Variants in PHC1 observed in about 807,000 individuals in gnomAD.
PHC1 encodes the protein polyhomeotic homolog 1, also known as polyhomeotic-like protein 1.
Under a neutral mutation model 104.3 loss-of-function variants are expected in PHC1, and 12 were observed. The observed-to-expected ratio is 0.12, with a 90% confidence interval of 0.07 to 0.19. The LOEUF (loss-of-function observed/expected upper bound fraction) is 0.19, where lower values mean the gene tolerates loss of function less well. Among genes scored for constraint, PHC1 ranks in the 10% least tolerant of loss-of-function variants. The pLI is 1.00. For synonymous variants in PHC1, 302 were observed against 455.8 expected, an observed-to-expected ratio of 0.66 and a Z score of 4.30; for missense variants, 671 against 1,200.0, an observed-to-expected ratio of 0.56 and a Z score of 6.51.
In PHC1 at chr12:8,935,251, T is replaced by G. The variant is rs375317588; in HGVS notation, c.2368+13T>G. 11 of 1,408,102 alleles carry G rather than the reference T, an allele frequency of 7.8e-6. No individual in the cohort carries two copies. Among genetic ancestry groups the G allele is most frequent in the African/African-American group, 5.7e-5 (4 of 70,532 alleles). The allele number at this position is 1,408,102 out of a possible 1,614,324, so 87.2% of individuals were successfully genotyped here. On this transcript the variant is annotated intron_variant, in intron 11 of 14. Transcript: ENST00000544916. Reference sequence around the variant, plus strand: ...AGCCCATCTGCTGGTGAGCATTTATTTAGAGACTCATTTGGGGGAAGGAGA... The same window carrying G: ...AGCCCATCTGCTGGTGAGCATTTATGTAGAGACTCATTTGGGGGAAGGAGA...
intron 1 of PHC1, among the ~76,000 whole-genome samples, chr12:8,916,792 GCAGTGAGGAAA>G (rs1415756406): frequency 2.0e-5 from 3 of 151,976 alleles, no homozygotes; most frequent in Non-Finnish European, 4.4e-5. Flanking sequence ...AGCCTCCTTT[GCAGTGAGGAAA>G]CAGGTATAAG....
intron 7 of PHC1, among the ~76,000 whole-genome samples, chr12:8,931,737 A>T (rs1479854278): frequency 2.0e-5 from 3 of 152,164 alleles, no homozygotes; most frequent in Non-Finnish European, 4.4e-5. Flanking sequence ...AGATGTAGTT[A>T]GATGTGTGTA....
chr12:8,923,506 C>T (rs949824680), intron 6 of PHC1, among the ~76,000 whole-genome samples: 1 of 152,162 alleles, frequency 6.6e-6, no homozygotes, highest in African/African-American at 2.4e-5. Context: ...GCTTCCACAT[C>T]TGCAGATACA....
rs574406044 is a variant in PHC1 at position 8,926,789 on chromosome 12, C to T, written c.613-3646C>T. Among the ~76,000 whole-genome samples the T allele has an allele frequency of 7.2e-5, 11 of 152,042 alleles. No individual in the cohort carries two copies. The South Asian group carries it at 1.7e-3, about 23-fold the overall frequency. ...CATTAGCTGGGCGTGGTGGCACATC[C>T]CTGTAATCCCAGTTACTTGGGAGGC... On this transcript the variant is annotated intron_variant, in intron 6 of 14. Transcript: ENST00000544916.
rs1340963009 is a variant in PHC1 at position 8,930,390 on chromosome 12, G to A, written c.613-45G>A. On this transcript the variant is annotated intron_variant, in intron 6 of 14. Transcript: ENST00000544916. ...CTGCTTTTGAATCTTTAACCTTAAT[G>A]CCTCCAGTCCTCCTTTTCTCAATCT... is the stretch of plus-strand genomic sequence containing the variant. The A allele has an allele frequency of 1.9e-6, 3 of 1,578,000 alleles. No homozygotes were observed. In the Admixed American group the frequency reaches 5.5e-5, roughly 29 times the overall value.
chr12:8,929,539 T>G (rs1592201901), intron 6 of PHC1, among the ~76,000 whole-genome samples: 1 of 151,892 alleles, frequency 6.6e-6, no homozygotes, highest in South Asian at 2.1e-4. Context: ...GTCTTTTTTT[T>G]TTTTTCTGGA....
intron 2 of PHC1, among the ~76,000 whole-genome samples, chr12:8,918,529 G>C (rs987978785): frequency 2.0e-5 from 3 of 151,862 alleles, no homozygotes; most frequent in Non-Finnish European, 2.9e-5. Flanking sequence ...CCTGGCTGGA[G>C]TGCAGTGGTG....
chr12:8,922,295 C>T (rs963693428), intron 5 of PHC1, among the ~76,000 whole-genome samples: 1 of 152,174 alleles, frequency 6.6e-6, no homozygotes, highest in Non-Finnish European at 1.5e-5. Context: ...TAGATATAGT[C>T]GACCTTTAAA....
intron 7 of PHC1, among the ~76,000 whole-genome samples, chr12:8,931,136 C>G (rs745644016): frequency 1.3e-5 from 2 of 152,284 alleles, no homozygotes; most frequent in Non-Finnish European, 2.9e-5. Flanking sequence ...TTATCTGTTT[C>G]TACCAGGCAG....
chr12:8,932,438 T>G (rs1385852987), intron 7 of PHC1, 125 bp from the exon 8 acceptor site: 18 of 967,900 alleles, frequency 1.9e-5, no homozygotes, highest in Non-Finnish European at 2.6e-5. Flanking sequence ...CTGACTAGAT[T>G]TCTTTTCACC....
intron 14 of PHC1, 29 bp downstream of exon 14, chr12:8,938,089 GGTT>G: frequency 4.6e-6 from 7 of 1,538,154 alleles, no homozygotes; most frequent in Non-Finnish European, 6.3e-6. Flanking sequence ...ACAGAACCCA[GGTT>G]GTTTTCCTTA....
intron 13 of PHC1, among the ~76,000 whole-genome samples, 169 bp downstream of exon 13, chr12:8,937,495 T>G (rs932035290): frequency 4.6e-5 from 7 of 152,204 alleles, no homozygotes; most frequent in African/African-American, 1.7e-4. Flanking sequence ...TCTCCGGACC[T>G]CTTACCCAAC....
intron 3 of PHC1, 80 bp from the exon 4 acceptor site, chr12:8,920,905 C>T (rs1228496483): frequency 2.2e-6 from 2 of 917,368 alleles, no homozygotes; most frequent in East Asian, 4.9e-5. Flanking sequence ...ATGTTTTGTG[C>T]TTGTGATTTA....
intron 6 of PHC1, among the ~76,000 whole-genome samples, chr12:8,924,315 A>G (rs956238912): frequency 6.6e-6 from 1 of 151,998 alleles, no homozygotes; most frequent in Non-Finnish European, 1.5e-5. Context: ...TGTCTCTACT[A>G]AAAATACAAA....
At chr12:8,921,098 C>G in intron 4 of PHC1, 33 bp downstream of exon 4, 2 of 1,493,224 alleles carry the variant, frequency 1.3e-6, no homozygotes, top group Non-Finnish European at 9.2e-7. Flanking sequence ...AGAGGCTTCT[C>G]TACCTGGGTC....
intron 6 of PHC1, among the ~76,000 whole-genome samples, chr12:8,925,500 G>A (rs1448058881): frequency 1.3e-5 from 2 of 152,312 alleles, no homozygotes; most frequent in Admixed American, 6.5e-5. Flanking sequence ...GGCATGGGGT[G>A]TAAAAGTCAA....
intron 6 of PHC1, 119 bp downstream of exon 6, chr12:8,922,907 T>C (rs899248707): frequency 1.2e-6 from 1 of 859,772 alleles, no homozygotes; most frequent in South Asian, 1.9e-5. Flanking sequence ...TTTTGTGTTT[T>C]GTTTTTCCTT....
intron 1 of PHC1, among the ~76,000 whole-genome samples, chr12:8,917,045 T>C (rs1452991429): frequency 6.6e-6 from 1 of 152,248 alleles, no homozygotes; most frequent in African/African-American, 2.4e-5. Flanking sequence ...AAGCATGTGT[T>C]AGTCCAAAGA....
intron 2 of PHC1, 22 bp downstream of exon 2, chr12:8,917,813 C>T: frequency 7.8e-7 from 1 of 1,279,536 alleles, no homozygotes; most frequent in Non-Finnish European, 1.1e-6. Context: ...CTCTGAGGGG[C>T]CATGGTCTGT....
Sources: allele counts gnomAD v4.1 joint callset (sites outside exome capture counted in the v4.1 genomes callset), GRCh38; gene constraint gnomAD v4.1.1; transcripts MANE v1.5; gene names NCBI Gene and HGNC (gene_info 2026-07-23, HGNC 2026-07-21).